Variants in GPC5 observed in about 807,000 individuals in gnomAD.
GPC5 encodes the protein glypican-5.
GPC5 carries 47 observed loss-of-function variants against 53.9 expected under a neutral mutation model. The ratio of observed to expected loss-of-function variants is 0.87; its 90% CI spans 0.69 to 1.11. The LOEUF (loss-of-function observed/expected upper bound fraction) is 1.11, where lower values mean the gene tolerates loss of function less well. GPC5 is among the 50% of genes most tolerant of loss of function. GPC5 has a pLI of 0.00. For missense variants in GPC5, 748 were observed against 713.1 expected (o/e 1.05, Z -0.56); for synonymous variants, 286 against 263.3 (o/e 1.09, Z -0.84).
At chr13:92,030,091 A>G (rs1454690233) in intron 6 of GPC5, among the ~76,000 whole-genome samples, 1 of 152,236 alleles carries the variant, frequency 6.6e-6, no homozygotes, top group Non-Finnish European at 1.5e-5. Context: ...AGTATCCAGT[A>G]TAATTTTGCT....
At chr13:92,228,089 G>A (rs891113602) in intron 7 of GPC5, among the ~76,000 whole-genome samples, 7 of 151,484 alleles carry the variant, frequency 4.6e-5, no homozygotes, top group Admixed American at 2.6e-4. Context: ...AGGCTGAGGA[G>A]GAGGAGGAAG....
rs563094331 is a variant in GPC5 at position 91,994,726 on chromosome 13, C to T, written c.1401+86669C>T. ...TTAGCCTACTTCAGCTCACTACTTT[C>T]ATTGTTAATTACACAAAAGTCCTTT... On this transcript the variant is annotated intron_variant, in intron 6 of 7. Transcript: ENST00000377067. 5 of 152,258 alleles carry T rather than the reference C, an allele frequency of 3.3e-5. No homozygotes were observed. In the South Asian group the frequency reaches 1.0e-3, roughly 32 times the overall value. 9.4% of individuals were successfully genotyped at this position (152,258 alleles called of 1,614,324 possible).
chr13:91,717,414 T>C (rs1222686368), intron 3 of GPC5, among the ~76,000 whole-genome samples: 1 of 151,738 alleles, frequency 6.6e-6, no homozygotes, highest in Admixed American at 6.6e-5. Flanking sequence ...GCTGAGAGAG[T>C]GTTGGAGAGA....
intron 7 of GPC5, among the ~76,000 whole-genome samples, chr13:92,192,059 A>C (rs1317034468): frequency 6.6e-6 from 1 of 152,184 alleles, no homozygotes; most frequent in Non-Finnish European, 1.5e-5. Context: ...CAGTGAAAAA[A>C]TTAGTCGTTG....
At chr13:91,514,581 A>C (rs976230137) in intron 2 of GPC5, among the ~76,000 whole-genome samples, 3 of 152,168 alleles carry the variant, frequency 2.0e-5, no homozygotes, top group African/African-American at 7.2e-5. Flanking sequence ...TATTTCTAAA[A>C]ACATCAACAA....
At chr13:92,024,700 T>C (rs1215660935) in intron 6 of GPC5, among the ~76,000 whole-genome samples, 3 of 152,152 alleles carry the variant, frequency 2.0e-5, no homozygotes, top group Non-Finnish European at 4.4e-5. Context: ...GAGATGAAAC[T>C]GTGGAGGCAT....
intron 7 of GPC5, among the ~76,000 whole-genome samples, chr13:92,845,437 T>C (rs975264292): frequency 6.6e-6 from 1 of 152,134 alleles, no homozygotes. Flanking sequence ...CTGGCAGGCT[T>C]GAAACCCAGG....
chr13:92,416,796 G>T (rs1422918695), intron 7 of GPC5, among the ~76,000 whole-genome samples: 1 of 152,082 alleles, frequency 6.6e-6, no homozygotes, highest in African/African-American at 2.4e-5. Context: ...CACAATGTGG[G>T]AGAAAATATT....
chr13:91,895,599 G>A (rs936559525), intron 5 of GPC5, among the ~76,000 whole-genome samples: 6 of 151,600 alleles, frequency 4.0e-5, no homozygotes, highest in East Asian at 1.9e-4. Context: ...TGGCCTTCCC[G>A]GCTCTGTTGT....
chr13:92,619,801 G>T (rs1053123770), intron 7 of GPC5, among the ~76,000 whole-genome samples: 19 of 151,710 alleles, frequency 1.3e-4, no homozygotes, highest in African/African-American at 4.4e-4. Flanking sequence ...TTTATTTCTA[G>T]GAAAAGCAAA....
rs2042111929 is a variant in GPC5 at position 92,176,789 on chromosome 13, G to A, written c.1561+31800G>A. 2.6e-5 allele frequency among the ~76,000 whole-genome samples: 4 copies of A among 152,166 alleles called. No homozygotes were observed. The South Asian group carries it at 8.3e-4, about 32-fold the overall frequency. On this transcript the variant is annotated intron_variant, in intron 7 of 7. Transcript: ENST00000377067. Reference sequence around the variant, plus strand: ...TCAGCCCCTAGTTTACTGATTTCCAGCACACTACCAGGCACCACTTTACCT... The same window carrying A: ...TCAGCCCCTAGTTTACTGATTTCCAACACACTACCAGGCACCACTTTACCT...
chr13:91,671,875 G>C (rs1197354538), intron 2 of GPC5, among the ~76,000 whole-genome samples: 1 of 142,960 alleles, frequency 7.0e-6, no homozygotes, highest in Non-Finnish European at 1.5e-5. Context: ...AAACAGCATA[G>C]TACTGGTATC....
intron 6 of GPC5, among the ~76,000 whole-genome samples, chr13:92,131,959 C>T (rs1205593380): frequency 6.6e-6 from 1 of 152,012 alleles, no homozygotes; most frequent in African/African-American, 2.4e-5. Context: ...ATTTTTTACA[C>T]CAAAAGACTT....
At chr13:92,077,501 G>A (rs1345931996) in intron 6 of GPC5, among the ~76,000 whole-genome samples, 7 of 152,136 alleles carry the variant, frequency 4.6e-5, no homozygotes, top group Admixed American at 6.5e-5. Context: ...ACTGGAGGTT[G>A]GCCCCGTTTC....
chr13:91,436,503 G>T (rs148363939), intron 1 of GPC5, among the ~76,000 whole-genome samples: 5,394 of 152,220 alleles, frequency 0.035, 143 homozygotes, highest in Middle Eastern at 0.068. Flanking sequence ...GGTTTTGAGG[G>T]AGTTTCTTAA....
chr13:92,293,650 T>C (rs1209713755), intron 7 of GPC5, among the ~76,000 whole-genome samples: 1 of 152,086 alleles, frequency 6.6e-6, no homozygotes, highest in East Asian at 1.9e-4. Flanking sequence ...ACAGCGACAC[T>C]TTGACTTCCT....
chr13:91,434,063 G>A (rs1341243712), intron 1 of GPC5, among the ~76,000 whole-genome samples: 1 of 152,078 alleles, frequency 6.6e-6, no homozygotes, highest in South Asian at 2.1e-4. Context: ...TTTTTTTCTT[G>A]TAAATTTGTT....
At chr13:91,503,638 G>T (rs1884768131) in intron 2 of GPC5, among the ~76,000 whole-genome samples, 1 of 151,526 alleles carries the variant, frequency 6.6e-6, no homozygotes, top group African/African-American at 2.4e-5. Flanking sequence ...AAATTAGCTG[G>T]GCATGGTGGT....
intron 5 of GPC5, among the ~76,000 whole-genome samples, chr13:91,815,413 A>C (rs8001076): frequency 0.14 from 20,981 of 152,080 alleles, 1,583 homozygotes; most frequent in African/African-American, 0.19. Flanking sequence ...TAAGTGAGGC[A>C]AAGCAATTTA....
Sources: allele counts gnomAD v4.1 joint callset (sites outside exome capture counted in the v4.1 genomes callset), GRCh38; gene constraint gnomAD v4.1.1; transcripts MANE v1.5; gene names NCBI Gene and HGNC (gene_info 2026-07-23, HGNC 2026-07-21).